Variants in SYNE3 observed in about 807,000 individuals in gnomAD.
SYNE3 encodes the protein nesprin-3.
SYNE3 carries 100 observed loss-of-function variants against 111.2 expected under a neutral mutation model. The observed-to-expected ratio is 0.90, with a 90% confidence interval of 0.77 to 1.06. The LOEUF (loss-of-function observed/expected upper bound fraction) is 1.06. SYNE3 is among the 50% of genes least tolerant of loss of function. SYNE3 has a pLI of 0.00. For synonymous variants in SYNE3, 547 were observed against 533.9 expected, an observed-to-expected ratio of 1.02 and a Z score of -0.34; for missense variants, 1,160 against 1,240.3, an observed-to-expected ratio of 0.94 and a Z score of 0.97.
intron 10 of SYNE3, chr14:95,443,586 T>G: frequency 2.9e-6 from 1 of 339,480 alleles, no homozygotes; most frequent in Non-Finnish European, 5.3e-6. Flanking sequence ...TCATACTTGA[T>G]GACCACCTCT....
chr14:95,462,790 A>C (rs545869810), intron 4 of SYNE3, among the ~76,000 whole-genome samples: 43 of 152,382 alleles, frequency 2.8e-4, no homozygotes, highest in Admixed American at 2.3e-3. Context: ...GCGCCACCTT[A>C]GAAGTCATCA....
At chr14:95,446,456 C>A (rs1230115085) in intron 8 of SYNE3, among the ~76,000 whole-genome samples, 1 of 152,204 alleles carries the variant, frequency 6.6e-6, no homozygotes, top group African/African-American at 2.4e-5. Context: ...TGGCTGCTGC[C>A]TCCCAGTTAG....
chr14:95,438,799 TA>T, intron 14 of SYNE3: 4 of 512,494 alleles, frequency 7.8e-6, no homozygotes, highest in Admixed American at 3.1e-5. Context: ...GGGATACCCC[TA>T]CTGCCCTGGT....
chr14:95,480,460 A>T (rs907197612), intron 1 of SYNE3, among the ~76,000 whole-genome samples: 2 of 152,182 alleles, frequency 1.3e-5, no homozygotes, highest in African/African-American at 2.4e-5. Flanking sequence ...GACCGAGCCC[A>T]TGCTCAGAAC....
rs538510252 is a variant in SYNE3 at position 95,444,343 on chromosome 14, G to A, written c.1776+142C>T. ...AAATAAGCAGAGGTTCTGTTGAGGT[G>A]AAAGGTCAGATCTCAACTAAGGGTC... On this transcript the variant is annotated intron_variant, in intron 10 of 17. Coordinates refer to ENST00000682763, the MANE Select transcript of SYNE3 (RefSeq NM_152592.6). The A allele has an allele frequency of 2.6e-4, 290 of 1,103,424 alleles. 1 individual carries two copies. The South Asian group carries it at 5.6e-3, about 21-fold the overall frequency. 68.4% of individuals were successfully genotyped at this position (1,103,424 alleles called of 1,614,324 possible). A position where few individuals can be genotyped will look rare whatever the true frequency, so the allele number is the denominator to read the frequency against.
rs1026413781 is a variant in SYNE3, at chr14:95,449,971, G to A, written c.1409C>T (p.Pro470Leu). ...GAAGGTGTGAAGGGAAGGCAGGTCC[G>A]GCAGGCTGGCAGTGACCTCCAAGAG... ...QRLLEVTASL[P>L]DLPSLHTFLP... Residue 470 changes from proline to leucine, a missense_variant, in exon 8 of 18, where the codon CCG (proline) becomes CTG (leucine). Physicochemically the swap from Pro to Leu is moderately conservative, Grantham distance 98. Coordinates refer to ENST00000682763, the MANE Select transcript of SYNE3 (RefSeq NM_152592.6). 2.6e-6 allele frequency: 4 copies of A among 1,553,912 alleles called. No homozygotes were observed. The Admixed American group carries it at 5.8e-5, about 23-fold the overall frequency.
At position 95,461,802 on chromosome 14, in the gene SYNE3, G is replaced by C. The variant is rs3742348; in HGVS notation, c.627+4129C>G. The stretch of plus-strand genomic sequence containing the variant: ...CCCCAAGAGAGACCTTTTATGCAGG[G>C]GAGGTCTTCATCAAGCTTTCAGAGC... On this transcript the variant is annotated intron_variant, in intron 4 of 17. Transcript: ENST00000682763. 1.4e-3 allele frequency among the ~76,000 whole-genome samples: 208 copies of C among 152,382 alleles called. 1 individual carries two copies. In the South Asian group the frequency reaches 0.02, roughly 15 times the overall value.
intron 15 of SYNE3, among the ~76,000 whole-genome samples, chr14:95,433,793 T>G (rs1296810857): frequency 6.6e-6 from 1 of 152,228 alleles, no homozygotes; most frequent in East Asian, 1.9e-4. Flanking sequence ...TGTGCAGATT[T>G]TTCTCAGGAA....
rs1023000394 is a variant in SYNE3, at chr14:95,449,925, G to C, written c.1449+6C>G. ...AGCCCCACCCAGTTGGCAGGACCAC[G>C]GTTACCTCGATCTGGGGCAGGAAGG... On this transcript the variant is annotated splice_donor_region_variant and intron_variant, in intron 8 of 17. Transcript: ENST00000682763. 8.0e-6 allele frequency: 12 copies of C among 1,494,096 alleles called. No homozygotes were observed. The highest frequency in any genetic ancestry group is 1.4e-5 in the African/African-American group (1 of 71,548). 92.6% of individuals were successfully genotyped at this position (1,494,096 alleles called of 1,614,324 possible). A position where few individuals can be genotyped will look rare whatever the true frequency, so the allele number is the denominator to read the frequency against.
At chr14:95,492,628 G>A (rs900143288) in intron 1 of SYNE3, among the ~76,000 whole-genome samples, 1 of 152,238 alleles carries the variant, frequency 6.6e-6, no homozygotes, top group Admixed American at 6.5e-5. Context: ...AGGGTTGGGA[G>A]TTGACTGTGA....
intron 1 of SYNE3, among the ~76,000 whole-genome samples, chr14:95,488,697 GGAGGAGAGGAGAGGAGAGGA>G (rs773406803): frequency 1.8e-4 from 7 of 38,240 alleles, no homozygotes; most frequent in East Asian, 2.1e-3. Flanking sequence ...GAAGGGGAAG[GGAGGAGAGGAGAGGAGAGGA>G]GAGGAGAGGA....
At chr14:95,483,882 T>A (rs1889398353) in intron 1 of SYNE3, among the ~76,000 whole-genome samples, 1 of 152,082 alleles carries the variant, frequency 6.6e-6, no homozygotes, top group Admixed American at 6.5e-5. Flanking sequence ...GGTTGTGAGG[T>A]CTACTCTACA....
intron 1 of SYNE3, among the ~76,000 whole-genome samples, chr14:95,505,725 T>C (rs905884949): frequency 1.1e-4 from 16 of 152,082 alleles, no homozygotes; most frequent in African/African-American, 3.9e-4. Flanking sequence ...AAAAACAGGG[T>C]CAGGATCAAT....
chr14:95,419,450 TATA>T (rs1185198247), intron 17 of SYNE3, among the ~76,000 whole-genome samples: 3 of 152,188 alleles, frequency 2.0e-5, no homozygotes, highest in Non-Finnish European at 2.9e-5. Flanking sequence ...AATACTTATT[TATA>T]ATAATAGTGC....
intron 1 of SYNE3, among the ~76,000 whole-genome samples, chr14:95,493,341 C>T (rs1016486905): frequency 2.6e-5 from 4 of 152,302 alleles, no homozygotes; most frequent in East Asian, 1.9e-4. Context: ...GTATAATCAT[C>T]CCCGTATCAG....
chr14:95,419,046 C>G (rs1375978167), intron 17 of SYNE3, among the ~76,000 whole-genome samples: 2 of 152,236 alleles, frequency 1.3e-5, no homozygotes, highest in South Asian at 4.1e-4. Flanking sequence ...GCCTAATGGA[C>G]TTCTCTGCTA....
intron 17 of SYNE3, among the ~76,000 whole-genome samples, chr14:95,425,519 G>A (rs1885382560): frequency 6.6e-6 from 1 of 152,174 alleles, no homozygotes; most frequent in South Asian, 2.1e-4. Flanking sequence ...CTTTAGTGGT[G>A]GCTACTGGTC....
chr14:95,419,675 G>T (rs1376482484), intron 17 of SYNE3, among the ~76,000 whole-genome samples: 2 of 141,522 alleles, frequency 1.4e-5, no homozygotes, highest in South Asian at 2.6e-4. Flanking sequence ...CTTGATGATG[G>T]TGGTGATGCG....
intron 1 of SYNE3, among the ~76,000 whole-genome samples, chr14:95,514,068 C>T (rs1230872349): frequency 6.6e-6 from 1 of 152,044 alleles, no homozygotes; most frequent in Non-Finnish European, 1.5e-5. Flanking sequence ...GAAGACCCCA[C>T]GAACACATTT....
Sources: allele counts gnomAD v4.1 joint callset (sites outside exome capture counted in the v4.1 genomes callset), GRCh38; gene constraint gnomAD v4.1.1; transcripts MANE v1.5; gene names NCBI Gene and HGNC (gene_info 2026-07-23, HGNC 2026-07-21).